INTS1: variants seen among roughly 807,000 people sequenced by gnomAD.
The protein encoded by INTS1 is integrator complex subunit 1.
A neutral mutation model predicts 241.6 loss-of-function variants in INTS1; 137 were observed. The ratio of observed to expected loss-of-function variants is 0.57; its 90% CI spans 0.49 to 0.65. The LOEUF is 0.65. Among genes scored for constraint, INTS1 ranks in the 30% least tolerant of loss-of-function variants. INTS1 has a pLI of 0.00. For missense variants in INTS1, 3,073 were observed against 3,032.2 expected (o/e 1.01, Z -0.32); for synonymous variants, 1,692 against 1,337.8 (o/e 1.26, Z -5.78).
At chr7:1,488,086 G>T in intron 18 of INTS1, 129 bp from the exon 19 acceptor site, 1 of 959,492 alleles carries the variant, frequency 1.0e-6, no homozygotes, top group Non-Finnish European at 1.6e-6. Context: ...GCAGTCAGGA[G>T]CACAGGGCGC....
At position 1,474,371 on chromosome 7, in the gene INTS1, G is replaced by A. The variant is rs1369478781; in HGVS notation, c.5637-11C>T. 1.1e-5 allele frequency: 17 copies of A among 1,579,484 alleles called. No homozygotes were observed. Among genetic ancestry groups the A allele is most frequent in the Admixed American group, 3.4e-5 (2 of 58,472 alleles). On this transcript the variant is annotated splice_polypyrimidine_tract_variant and intron_variant, in intron 40 of 47. Transcript: ENST00000404767. ...ATCATGGGCAGGTGCCTGCGGGCGC[G>A]GTGAGGGCCCAGTCAGCCCCGGCCG...
chr7:1,495,456 G>A lies in INTS1; in HGVS notation c.1809C>T (p.Leu603=), dbSNP rs376824615. The A allele has an allele frequency of 9.6e-5, 154 of 1,612,274 alleles. 1 individual carries two copies. The highest frequency in any genetic ancestry group is 3.7e-4 in the African/African-American group (28 of 74,926). ...LHTVVPSISK[L]APKDYVHCLH... is the part of the protein sequence containing the mutation. The stretch of plus-strand genomic sequence containing the variant: ...ACCAGTGCACGTAGTCCTTAGGGGC[G>A]AGCTTGCTGATGGAGGGGACCACAG... Residue 603 remains leucine (L), a synonymous_variant, in exon 13 of 48, where the codon CTC becomes CTT. Transcript: ENST00000404767.
At chr7:1,488,463 G>C (rs952690516) in intron 18 of INTS1, among the ~76,000 whole-genome samples, 1 of 152,100 alleles carries the variant, frequency 6.6e-6, no homozygotes, top group Non-Finnish European at 1.5e-5. Flanking sequence ...TGCTCCTTCA[G>C]AGGTGGGGGG....
intron 45 of INTS1, 32 bp from the exon 46 acceptor site, chr7:1,471,256 C>T: frequency 1.3e-6 from 2 of 1,549,480 alleles, no homozygotes; most frequent in Non-Finnish European, 1.7e-6. Context: ...GGTGTGTGAC[C>T]AAGGGGTCCA....
intron 47 of INTS1, 41 bp downstream of exon 47, chr7:1,470,805 C>A: frequency 6.6e-7 from 1 of 1,522,560 alleles, no homozygotes; most frequent in South Asian, 1.2e-5. Flanking sequence ...TCCGGCCTCC[C>A]CGAGGGCTGC....
In INTS1 at chr7:1,476,821, A is replaced by C; in HGVS notation, c.5036T>G (p.Val1679Gly). ...SWPTLHQCIR[V>G]LLGKSREQRF... ...CTGTTCCCGGCTCTTGCCCAGCAGG[A>C]CTCGGATGCACTGGTGCAGTGTGGG... Residue 1679 changes from valine (V) to glycine (G), a missense_variant, in exon 36 of 48, where the codon GTC (valine) becomes GGC (glycine). Coordinates refer to ENST00000404767, the MANE Select transcript of INTS1 (RefSeq NM_001080453.3). 2 of 1,612,870 alleles carry C rather than the reference A, an allele frequency of 1.2e-6. No homozygotes were observed. Among genetic ancestry groups the C allele is most frequent in the Non-Finnish European group, 1.7e-6 (2 of 1,179,852 alleles).
Position 1,485,477 on chromosome 7 carries a change from A to T in INTS1, c.2977-8T>A. ...AAGCACCAGCGACAAACCCTGTGGC[A>T]GACACTCATGAGCTGGGCCGGCTTT... On this transcript the variant is annotated splice_region_variant and splice_polypyrimidine_tract_variant and intron_variant, in intron 22 of 47. Transcript: ENST00000404767. 6.2e-7 allele frequency: 1 copy of T among 1,611,344 alleles called. No individual in the cohort carries two copies. Among genetic ancestry groups the T allele is most frequent in the Non-Finnish European group, 8.5e-7 (1 of 1,179,722 alleles).
rs1240141155 is a variant in INTS1 at position 1,487,021 on chromosome 7, A to G, written c.2727T>C (p.Cys909=). ...EGSLDVLPVQ[C]LCEFLLHDAV... is the part of the protein sequence containing the mutation. ...CATCGTGCAGCAGGAACTCGCACAGACACTGCACGGGCAGCACGTCCAGGG... is the reference window on the plus strand; with the variant it reads ...CATCGTGCAGCAGGAACTCGCACAGGCACTGCACGGGCAGCACGTCCAGGG... The change falls in exon 21 of 48, where the codon TGT becomes TGC. Residue 909 remains cysteine, a synonymous_variant. Coordinates refer to ENST00000404767, the MANE Select transcript of INTS1 (RefSeq NM_001080453.3). The G allele has an allele frequency of 1.2e-6, 2 of 1,601,324 alleles. No homozygotes were observed. Among genetic ancestry groups the G allele is most frequent in the Non-Finnish European group, 1.7e-6 (2 of 1,176,636 alleles).
chr7:1,485,622 G>A lies in INTS1; in HGVS notation c.2977-153C>T, dbSNP rs543642099. ...GAGGCCGCAGGTAAAAGGGAAAAAC[G>A]AGACTGAGCTCTTTCTGTTAAATGC... On this transcript the variant is annotated intron_variant, in intron 22 of 47. Coordinates refer to ENST00000404767, the MANE Select transcript of INTS1 (RefSeq NM_001080453.3). 1.1e-4 allele frequency: 79 copies of A among 721,078 alleles called. No homozygotes were observed. In the Middle Eastern group the frequency reaches 1.3e-3, roughly 12 times the overall value. The allele number at this position is 721,078 out of a possible 1,614,324, so 44.7% of individuals were successfully genotyped here.
chr7:1,493,657 T>C lies in INTS1; in HGVS notation c.2068+97A>G, dbSNP rs373207171. On this transcript the variant is annotated intron_variant, in intron 15 of 47. Transcript: ENST00000404767. The surrounding 1 kb of genome is among the most constrained non-coding windows in gnomAD (Gnocchi z 5.3). Reference sequence around the variant, plus strand: ...CCCAGGACCCAGCTGAAGCGCAGCTTTGTGGAGCGCCCCAGAGGTGCGTGC... The same window carrying C: ...CCCAGGACCCAGCTGAAGCGCAGCTCTGTGGAGCGCCCCAGAGGTGCGTGC... 1.1e-3 allele frequency: 1,577 copies of C among 1,427,290 alleles called. 28 individuals carry two copies. In the South Asian group the frequency reaches 0.021, roughly 19 times the overall value. 88.4% of individuals were successfully genotyped at this position (1,427,290 alleles called of 1,614,324 possible).
rs372179562 is a variant in INTS1 at position 1,474,153 on chromosome 7, G to A, written c.5829+15C>T. The A allele has an allele frequency of 3.8e-5, 58 of 1,543,708 alleles. No individual in the cohort carries two copies. In the African/African-American group the frequency reaches 5.4e-4, roughly 14 times the overall value. On this transcript the variant is annotated intron_variant, in intron 41 of 47. Coordinates refer to ENST00000404767, the MANE Select transcript of INTS1 (RefSeq NM_001080453.3). ...AGTGGAAGGGAGCGCGAGGGCGGGC[G>A]GCGGGAGCACACACCAGCAGCAGGC...
intron 32 of INTS1, 77 bp from the exon 33 acceptor site, chr7:1,478,583 G>A (rs1056983266): frequency 4.2e-5 from 65 of 1,541,564 alleles, no homozygotes; most frequent in Admixed American, 1.1e-4. Context: ...GAGGCCCCAC[G>A]GTAGAAGGGC....
At position 1,496,280 on chromosome 7, in the gene INTS1, G is replaced by C. The variant is rs751398199; in HGVS notation, c.1603-16C>G. 6.2e-7 allele frequency: 1 copy of C among 1,610,696 alleles called. No homozygotes were observed. Among genetic ancestry groups the C allele is most frequent in the East Asian group, 2.2e-5 (1 of 44,808 alleles). On this transcript the variant is annotated splice_polypyrimidine_tract_variant and intron_variant, in intron 11 of 47. Transcript: ENST00000404767. ...CGAAGCGCTCCTGCAGGTGCAGCAC[G>C]GGGTCTGTATCCAGAAGGGACACCC...
At position 1,504,105 on chromosome 7, in the gene INTS1, T is replaced by G. The variant is rs115529124; in HGVS notation, c.-41-104A>C. The G allele has an allele frequency of 4.4e-3, 2,765 of 626,126 alleles. 66 individuals carry two copies. In the African/African-American group the frequency reaches 0.049, roughly 11 times the overall value. 38.8% of individuals were successfully genotyped at this position (626,126 alleles called of 1,614,324 possible). Reference sequence around the variant, plus strand: ...GCTTGGGCCTGGGACCCGGGGACAGTGGTCCCGCGCCCGCCCGGCGGGGCG... The same window carrying G: ...GCTTGGGCCTGGGACCCGGGGACAGGGGTCCCGCGCCCGCCCGGCGGGGCG... On this transcript the variant is annotated intron_variant, in intron 1 of 47. Transcript: ENST00000404767.
chr7:1,473,659 A>T lies in INTS1; in HGVS notation c.5864T>A (p.Phe1955Tyr). The T allele has an allele frequency of 1.2e-6, 2 of 1,613,402 alleles. No homozygotes were observed. Among genetic ancestry groups the T allele is most frequent in the Non-Finnish European group, 1.7e-6 (2 of 1,179,788 alleles). Residue 1955 changes from phenylalanine (F) to tyrosine (Y), a missense_variant, in exon 42 of 48, where the codon TTC becomes TAC. By Grantham distance (22) the Phe-to-Tyr change is conservative. Coordinates refer to ENST00000404767, the MANE Select transcript of INTS1 (RefSeq NM_001080453.3). ...YRKSSRHLAAFINKFVQFIHK... is the reference protein window; with the variant it reads ...YRKSSRHLAAYINKFVQFIHK... ...GATGAACTGCACAAACTTGTTGATG[A>T]AGGCAGCCAGATGGCGGGAGGACTT...
In INTS1 at chr7:1,481,567, G is replaced by T; in HGVS notation, c.3704-79C>A. 4.1e-6 allele frequency: 6 copies of T among 1,472,140 alleles called. No homozygotes were observed. The highest frequency in any genetic ancestry group is 5.4e-6 in the Non-Finnish European group (6 of 1,102,900). 91.2% of individuals were successfully genotyped at this position (1,472,140 alleles called of 1,614,324 possible). On this transcript the variant is annotated intron_variant, in intron 27 of 47. Coordinates refer to ENST00000404767, the MANE Select transcript of INTS1 (RefSeq NM_001080453.3). This position sits in a 1 kb window ranked among gnomAD's most constrained non-coding sequence, Gnocchi z 6.8. ...GGGACCCCACCCGAGACCTGGGGCT[G>T]CCTGTGTGCAGTGACCCCACCCACC...
chr7:1,492,541 C>T (rs1221415105), intron 16 of INTS1, among the ~76,000 whole-genome samples: 1 of 152,168 alleles, frequency 6.6e-6, no homozygotes, highest in African/African-American at 2.4e-5. Flanking sequence ...TGTGAACATT[C>T]TGAAAACATG....
At chr7:1,474,525 A>T (rs780771744) in intron 40 of INTS1, among the ~76,000 whole-genome samples, 165 bp from the exon 41 acceptor site, 4 of 151,958 alleles carry the variant, frequency 2.6e-5, no homozygotes, top group Non-Finnish European at 5.9e-5. Flanking sequence ...TCTGAGGCCC[A>T]CCCAGCTCCT....
chr7:1,497,198 G>A lies in INTS1; in HGVS notation c.1542C>T (p.Ala514=). 5 of 1,612,584 alleles carry A rather than the reference G, an allele frequency of 3.1e-6. No individual in the cohort carries two copies. The highest frequency in any genetic ancestry group is 4.2e-6 in the Non-Finnish European group (5 of 1,179,546). The change falls in exon 11 of 48, where the codon GCC becomes GCT. Residue 514 remains alanine, a synonymous_variant. Coordinates refer to ENST00000404767, the MANE Select transcript of INTS1 (RefSeq NM_001080453.3). The surrounding 1 kb of genome is among the most constrained non-coding windows in gnomAD (Gnocchi z 5.3). ...GCTCCTGCATGAGCCCCAGGCAGAA[G>A]GCCTGGAAGTTGATCTCGTGCTTGG... The part of the protein sequence containing the change: ...KQTKHEINFQ[A]FCLGLMQERK...
Sources: allele counts gnomAD v4.1 joint callset (sites outside exome capture counted in the v4.1 genomes callset), GRCh38; gene constraint gnomAD v4.1.1; non-coding constraint Gnocchi (gnomAD v3.1); transcripts MANE v1.5; gene names NCBI Gene and HGNC (gene_info 2026-07-23, HGNC 2026-07-21).